TRIP11: variants seen among roughly 807,000 people sequenced by gnomAD.
TRIP11 encodes thyroid receptor-interacting protein 11.
TRIP11 carries 148 observed loss-of-function variants against 223.1 expected under a neutral mutation model. The ratio of observed to expected loss-of-function variants is 0.66; its 90% CI spans 0.58 to 0.76. The LOEUF (loss-of-function observed/expected upper bound fraction) is 0.76, where lower values mean the gene tolerates loss of function less well. TRIP11 is among the 30% of genes least tolerant of loss of function. The pLI, the probability that TRIP11 is intolerant of heterozygous loss-of-function variation, is 0.00. For synonymous variants in TRIP11, 762 were observed against 772.6 expected, an observed-to-expected ratio of 0.99 and a Z score of 0.23; for missense variants, 2,043 against 2,222.0, an observed-to-expected ratio of 0.92 and a Z score of 1.62.
intron 4 of TRIP11, among the ~76,000 whole-genome samples, chr14:92,018,612 T>G (rs2057067172): frequency 6.6e-6 from 1 of 152,110 alleles, no homozygotes; most frequent in Admixed American, 6.6e-5. Context: ...TCAAAACACG[T>G]GTGTTTGAAT....
Position 92,000,140 on chromosome 14 carries a change from A to AC in TRIP11, c.4558-33_4558-32insG, listed in dbSNP as rs1555385694. 7.1e-5 allele frequency: 115 copies of AC among 1,609,392 alleles called. No homozygotes were observed. The African/African-American group carries it at 1.3e-3, about 18-fold the overall frequency. On this transcript the variant is annotated intron_variant, in intron 11 of 20. Coordinates refer to ENST00000267622, the MANE Select transcript of TRIP11 (RefSeq NM_004239.4). ...GAAAGAAAAAATTTTAGCTTTAAAA[A>AC]ACACACACACACACATATTTTAAAA...
intron 2 of TRIP11, among the ~76,000 whole-genome samples, chr14:92,026,175 C>T (rs1187367966): frequency 6.6e-6 from 1 of 152,120 alleles, no homozygotes; most frequent in Non-Finnish European, 1.5e-5. Context: ...ACATAATTTG[C>T]TTGTCTTTCA....
At chr14:91,992,725 T>C (rs55785433) in intron 15 of TRIP11, among the ~76,000 whole-genome samples, 17,653 of 151,568 alleles carry the variant, frequency 0.12, 1,127 homozygotes, top group Admixed American at 0.16. Context: ...CTGGCTAACA[T>C]GGTGAAACCT....
chr14:92,011,929 AACAT>A (rs1247392577), intron 7 of TRIP11, 134 bp from the exon 8 acceptor site: 3 of 738,536 alleles, frequency 4.1e-6, no homozygotes, highest in Non-Finnish European at 6.9e-6. Context: ...TTCTGAGTGA[AACAT>A]ATATTTGTAT....
chr14:92,021,916 T>C, intron 3 of TRIP11, 85 bp from the exon 4 acceptor site: 5 of 1,436,094 alleles, frequency 3.5e-6, no homozygotes, highest in South Asian at 2.3e-5. Context: ...AAAGACACAA[T>C]ACAATAATTT....
chr14:91,984,326 T>C (rs1254552575), intron 16 of TRIP11, among the ~76,000 whole-genome samples: 1 of 150,796 alleles, frequency 6.6e-6, no homozygotes, highest in African/African-American at 2.4e-5. Flanking sequence ...TCTTTTTTTT[T>C]TTTTTTTGGG....
Position 91,966,513 on chromosome 14 carries a change from C to A in TRIP11, c.*3160G>T. Reference sequence around the variant, plus strand: ...CTCATCACTCTACTGTCCCTGAAGACATAGCTTTTCCCCCCATTGATTGGA... The same window carrying A: ...CTCATCACTCTACTGTCCCTGAAGAAATAGCTTTTCCCCCCATTGATTGGA... On this transcript the variant is annotated 3_prime_UTR_variant, in exon 21 of 21. Transcript: ENST00000267622. The A allele has an allele frequency of 5.1e-6, 1 of 197,688 alleles. No individual in the cohort carries two copies. Among genetic ancestry groups the A allele is most frequent in the Non-Finnish European group, 1.0e-5 (1 of 95,400 alleles). The allele number at this position is 197,688 out of a possible 1,614,324, so 12.2% of individuals were successfully genotyped here.
In TRIP11 at chr14:91,966,451, T is replaced by C; in HGVS notation, c.*3222A>G. 1 of 192,086 alleles carries C rather than the reference T, an allele frequency of 5.2e-6. No homozygotes were observed. Among genetic ancestry groups the C allele is most frequent in the African/African-American group, 2.3e-5 (1 of 43,166 alleles). 11.9% of individuals were successfully genotyped at this position (192,086 alleles called of 1,614,324 possible). ...TCTTTAAATATCAGGTCCAAATGCT[T>C]TTAAGTTTGATGGATAATAGTGTTT... On this transcript the variant is annotated 3_prime_UTR_variant, in exon 21 of 21. Coordinates refer to ENST00000267622, the MANE Select transcript of TRIP11 (RefSeq NM_004239.4).
At chr14:91,988,544 C>T (rs1170669570) in intron 15 of TRIP11, among the ~76,000 whole-genome samples, 161 bp from the exon 16 acceptor site, 1 of 150,560 alleles carries the variant, frequency 6.6e-6, no homozygotes, top group Non-Finnish European at 1.5e-5. Flanking sequence ...AAAGGCAGAA[C>T]CCACATTCTT....
rs571451027 is a variant in TRIP11, at chr14:91,967,125, G to C, written c.*2548C>G. 1.0e-4 allele frequency: 14 copies of C among 138,326 alleles called. No individual in the cohort carries two copies. The highest frequency in any genetic ancestry group is 1.9e-4 in the Non-Finnish European group (13 of 67,168). 8.6% of individuals were successfully genotyped at this position (138,326 alleles called of 1,614,324 possible). A position where few individuals can be genotyped will look rare whatever the true frequency, so the allele number is the denominator to read the frequency against. On this transcript the variant is annotated 3_prime_UTR_variant, in exon 21 of 21. Coordinates refer to ENST00000267622, the MANE Select transcript of TRIP11 (RefSeq NM_004239.4). ...TTTCAATGACACAATGAAAACATTA[G>C]GTACTATAGCTTTTTTTTTTTTTTT...
intron 15 of TRIP11, among the ~76,000 whole-genome samples, chr14:91,992,782 A>ACG: frequency 6.6e-6 from 1 of 151,538 alleles, no homozygotes; most frequent in Non-Finnish European, 1.5e-5. Flanking sequence ...GGTGGCGGGC[A>ACG]CCTGTAGTCC....
rs762306760 is a variant in TRIP11, at chr14:92,014,570, A to C, written c.831T>G (p.Ser277=). 2 of 1,603,026 alleles carry C rather than the reference A, an allele frequency of 1.2e-6. No homozygotes were observed. Among genetic ancestry groups the C allele is most frequent in the Admixed American group, 1.7e-5 (1 of 59,030 alleles). Residue 277 remains serine (S), a synonymous_variant, in exon 7 of 21, where the codon TCT becomes TCG. Transcript: ENST00000267622. ...ELENLLQQGG[S]GVIETDLSKI... is the part of the protein sequence containing the mutation. ...TAGAGAGATCAGTTTCTATAACTCCAGAGCCACCTAGAACATAAACACAAA... is the reference window on the plus strand; with the variant it reads ...TAGAGAGATCAGTTTCTATAACTCCCGAGCCACCTAGAACATAAACACAAA...
In TRIP11 at chr14:92,005,957, A is replaced by G; in HGVS notation, c.2019T>C (p.Phe673=). Residue 673 remains phenylalanine (F), a synonymous_variant, in exon 11 of 21, where the codon TTT becomes TTC. Coordinates refer to ENST00000267622, the MANE Select transcript of TRIP11 (RefSeq NM_004239.4). ...QLNENLKKVA[F]DVKMENEKLV... is the part of the protein sequence containing the mutation. Reference sequence around the variant, plus strand: ...ACTTTTCATTTTCCATTTTGACATCAAAAGCAACTTTCTTTAAATTTTCAT... The same window carrying G: ...ACTTTTCATTTTCCATTTTGACATCGAAAGCAACTTTCTTTAAATTTTCAT... 6.2e-7 allele frequency: 1 copy of G among 1,612,892 alleles called. No homozygotes were observed. The highest frequency in any genetic ancestry group is 8.5e-7 in the Non-Finnish European group (1 of 1,179,804).
rs754567870 is a variant in TRIP11 at position 92,000,106 on chromosome 14, GC to G, written c.4559del (p.Gly1520AlafsTer6). The G allele has an allele frequency of 6.2e-7, 1 of 1,613,654 alleles. No homozygotes were observed. The highest frequency in any genetic ancestry group is 8.5e-7 in the Non-Finnish European group (1 of 1,179,876). ...AAAGCTGATTTAACTCTCCAGTCTT[GC>G]CCTTTTGGAAAGAAAAAATTTTAGC... ...FEQLLKEKEQ[G>X]KTGELNQLLN... On this transcript the variant is annotated frameshift_variant and splice_region_variant, in exon 12 of 21. Coordinates refer to ENST00000267622, the MANE Select transcript of TRIP11 (RefSeq NM_004239.4). LOFTEE classifies it high-confidence loss of function.
At chr14:92,010,879 G>T in intron 9 of TRIP11, 107 bp downstream of exon 9, 1 of 1,046,978 alleles carries the variant, frequency 9.6e-7, no homozygotes, top group Non-Finnish European at 1.5e-6. Flanking sequence ...TTTATTCTAA[G>T]GACTTGAGCT....
chr14:91,981,918 C>T (rs1337284641), intron 16 of TRIP11, among the ~76,000 whole-genome samples: 1 of 150,824 alleles, frequency 6.6e-6, no homozygotes, highest in East Asian at 1.9e-4. Flanking sequence ...AGTTCAAGAC[C>T]AGCCTGAGCA....
intron 16 of TRIP11, among the ~76,000 whole-genome samples, chr14:91,983,037 A>C (rs1197325873): frequency 2.6e-5 from 4 of 152,212 alleles, no homozygotes; most frequent in Non-Finnish European, 5.9e-5. Context: ...TGTCTAGAAC[A>C]CTTTTCCCCA....
At chr14:91,976,248 T>C (rs148457049) in intron 16 of TRIP11, 59 bp from the exon 17 acceptor site, 1 of 1,410,412 alleles carries the variant, frequency 7.1e-7, no homozygotes, top group Non-Finnish European at 9.9e-7. Context: ...TCTGGATGAC[T>C]ATATAATGAA....
In TRIP11 at chr14:92,005,838, G is replaced by T. The variant is rs188524590; in HGVS notation, c.2138C>A (p.Thr713Asn). Reference protein sequence around the residue: ...LSLEKNTIVETLKMEKGEIEA... With the variant: ...LSLEKNTIVENLKMEKGEIEA... Reference sequence around the variant, plus strand: ...TATCTCTCCTTTTTCCATTTTTAGAGTCTCCACAATAGTGTTTTTTTCCAG... The same window carrying T: ...TATCTCTCCTTTTTCCATTTTTAGATTCTCCACAATAGTGTTTTTTTCCAG... Residue 713 changes from threonine (T) to asparagine (N), a missense_variant, in exon 11 of 21, where the codon ACT becomes AAT. Thr to Asn is a moderately conservative substitution (Grantham distance 65, BLOSUM62 0). Coordinates refer to ENST00000267622, the MANE Select transcript of TRIP11 (RefSeq NM_004239.4). 23 of 1,613,972 alleles carry T rather than the reference G, an allele frequency of 1.4e-5. No individual in the cohort carries two copies. In the East Asian group the frequency reaches 4.5e-4, roughly 31 times the overall value.
Sources: allele counts gnomAD v4.1 joint callset (sites outside exome capture counted in the v4.1 genomes callset), GRCh38; gene constraint gnomAD v4.1.1; transcripts MANE v1.5; gene names NCBI Gene and HGNC (gene_info 2026-07-23, HGNC 2026-07-21).